Variants in TANC2 observed in about 807,000 individuals in gnomAD.
TANC2 encodes protein TANC2.
In TANC2, 26 loss-of-function variants were observed where a neutral mutation model predicts 210.5. The ratio of observed to expected loss-of-function variants is 0.12; its 90% CI spans 0.09 to 0.17. The LOEUF (loss-of-function observed/expected upper bound fraction) is 0.17, where lower values mean the gene tolerates loss of function less well. TANC2 is among the 10% of genes least tolerant of loss of function. The pLI is 1.00. For synonymous variants in TANC2, 931 were observed against 967.1 expected (o/e 0.96, Z 0.69); for missense variants, 2,129 against 2,608.9 (o/e 0.82, Z 4.01).
chr17:63,216,826 C>T (rs992353047), intron 7 of TANC2, among the ~76,000 whole-genome samples: 1 of 152,136 alleles, frequency 6.6e-6, no homozygotes, highest in African/African-American at 2.4e-5. Context: ...ATACCATATT[C>T]TGGTCTGTAA....
At chr17:63,103,983 ATCCCCAG>A (rs1482478563) in intron 4 of TANC2, among the ~76,000 whole-genome samples, 1 of 152,210 alleles carries the variant, frequency 6.6e-6, no homozygotes, top group East Asian at 1.9e-4. Context: ...GTTAGGATTA[ATCCCCAG>A]TCCCTCCACA....
chr17:63,334,835 G>C (rs1475724534), intron 11 of TANC2, among the ~76,000 whole-genome samples: 1 of 152,238 alleles, frequency 6.6e-6, no homozygotes, highest in Non-Finnish European at 1.5e-5. Flanking sequence ...TGATTGAATA[G>C]TCCTGCAGGC....
chr17:63,221,947 T>G (rs2042204367), intron 7 of TANC2, among the ~76,000 whole-genome samples: 1 of 152,206 alleles, frequency 6.6e-6, no homozygotes, highest in Non-Finnish European at 1.5e-5. Flanking sequence ...GACCAGTAGT[T>G]GAATATTCAG....
Position 63,354,767 on chromosome 17 carries a change from CT to C in TANC2, c.1975-15del. On this transcript the variant is annotated splice_polypyrimidine_tract_variant and intron_variant, in intron 13 of 27. Coordinates refer to ENST00000689528, the Ensembl canonical transcript of TANC2. Reference sequence around the variant, plus strand: ...TGAAGGTCTTTCTGTCTCTTTCTCTCTCTCCATCTTTTTAGGAAATTACCAA... The same window carrying C: ...TGAAGGTCTTTCTGTCTCTTTCTCTCCTCCATCTTTTTAGGAAATTACCAA... The C allele has an allele frequency of 6.5e-7, 1 of 1,543,480 alleles. No individual in the cohort carries two copies. The highest frequency in any genetic ancestry group is 8.7e-7 in the Non-Finnish European group (1 of 1,150,248).
At chr17:63,264,126 A>G (rs897361588) in intron 8 of TANC2, among the ~76,000 whole-genome samples, 5 of 152,202 alleles carry the variant, frequency 3.3e-5, no homozygotes, top group African/African-American at 1.2e-4. Context: ...ATTCTTTCAT[A>G]ATGTTGGCAG....
At chr17:63,012,806 C>T (rs1053928233) in intron 2 of TANC2, among the ~76,000 whole-genome samples, 10 of 152,082 alleles carry the variant, frequency 6.6e-5, no homozygotes, top group African/African-American at 9.7e-5. Flanking sequence ...TGCATACCAC[C>T]GCACCTGGCT....
chr17:63,313,911 T>C lies in TANC2; in HGVS notation c.1160-477T>C, dbSNP rs565417291. Among the ~76,000 whole-genome samples, 5 of 152,326 alleles carry C rather than the reference T, an allele frequency of 3.3e-5. No individual in the cohort carries two copies. The East Asian group carries it at 9.6e-4, about 29-fold the overall frequency. ...TGAAATATTGAAATATGTTACTGGT[T>C]AGTAAAGAGCTGCTACGGTAAGCTG... On this transcript the variant is annotated intron_variant, in intron 9 of 27. Transcript: ENST00000689528.
intron 5 of TANC2, among the ~76,000 whole-genome samples, chr17:63,165,319 GC>G (rs1258017651): frequency 6.6e-6 from 1 of 151,924 alleles, no homozygotes; most frequent in Non-Finnish European, 1.5e-5. Context: ...TCCAGTTTAT[GC>G]CCAAAAAGCT....
At chr17:63,322,453 G>A (rs141599359) in intron 11 of TANC2, among the ~76,000 whole-genome samples, 4 of 152,032 alleles carry the variant, frequency 2.6e-5, no homozygotes, top group South Asian at 2.1e-4. Flanking sequence ...AGCTGAGATC[G>A]CACCACTGCA....
At chr17:63,173,656 G>A (rs2040484467) in intron 5 of TANC2, among the ~76,000 whole-genome samples, 1 of 152,154 alleles carries the variant, frequency 6.6e-6, no homozygotes. Flanking sequence ...CCAAATGCAG[G>A]TGATTGTGGC....
chr17:63,148,525 C>T (rs2039538601), intron 4 of TANC2: 1 of 152,284 alleles, frequency 6.6e-6, no homozygotes, highest in African/African-American at 2.4e-5. Context: ...CATTCATCTG[C>T]TCAACCTCTG....
intron 5 of TANC2, among the ~76,000 whole-genome samples, chr17:63,183,147 C>T (rs938083205): frequency 6.6e-6 from 1 of 152,118 alleles, no homozygotes; most frequent in Non-Finnish European, 1.5e-5. Flanking sequence ...TTAGTTGAAC[C>T]TTGACTCTTG....
At chr17:63,114,987 G>C (rs183511993) in intron 4 of TANC2, among the ~76,000 whole-genome samples, 18 of 152,244 alleles carry the variant, frequency 1.2e-4, no homozygotes, top group African/African-American at 4.3e-4. Flanking sequence ...AAAATTATTT[G>C]TTGTCCAAGT....
intron 13 of TANC2, among the ~76,000 whole-genome samples, 153 bp downstream of exon 13, chr17:63,351,569 T>G (rs1567942457): frequency 6.6e-6 from 1 of 152,176 alleles, no homozygotes; most frequent in African/African-American, 2.4e-5. Context: ...TTTTGAGAGA[T>G]ATGATCTAGA....
chr17:63,228,646 T>A (rs1408416494), intron 7 of TANC2, among the ~76,000 whole-genome samples: 3 of 152,146 alleles, frequency 2.0e-5, no homozygotes, highest in African/African-American at 7.2e-5. Context: ...GGTCCTTCAC[T>A]CCTCTTGTTA....
chr17:63,423,600 A>G (rs1189996705), exon 28 of TANC2: 3 of 152,228 alleles, frequency 2.0e-5, no homozygotes, highest in Non-Finnish European at 4.4e-5. Context: ...GACCAGTCCC[A>G]TGTGTCTGGT....
At chr17:63,255,903 C>CTTTTTTTTTTT (rs1170508286) in intron 8 of TANC2, among the ~76,000 whole-genome samples, 2 of 84,274 alleles carry the variant, frequency 2.4e-5, no homozygotes, top group African/African-American at 4.9e-5. Flanking sequence ...TTTGACTTTT[C>CTTTTTTTTTTT]TTTTTTTTTT....
intron 14 of TANC2, among the ~76,000 whole-genome samples, chr17:63,378,458 A>T (rs773516413): frequency 6.6e-6 from 1 of 152,180 alleles, no homozygotes; most frequent in Non-Finnish European, 1.5e-5. Flanking sequence ...ATTACCTCAT[A>T]TAACAAGTTC....
chr17:63,017,220 C>T (rs914233883), intron 2 of TANC2, among the ~76,000 whole-genome samples: 6 of 152,028 alleles, frequency 3.9e-5, no homozygotes, highest in Non-Finnish European at 7.4e-5. Context: ...GACACCCTTG[C>T]GTTACTTATA....
Sources: allele counts gnomAD v4.1 joint callset (sites outside exome capture counted in the v4.1 genomes callset), GRCh38; gene constraint gnomAD v4.1.1; transcripts MANE v1.5; gene names NCBI Gene and HGNC (gene_info 2026-07-23, HGNC 2026-07-21).